KCNQ3: variants seen among roughly 807,000 people sequenced by gnomAD.
The protein encoded by KCNQ3 is potassium voltage-gated channel subfamily Q member 3, also known as potassium voltage-gated channel subfamily KQT member 3.
In KCNQ3, 30 loss-of-function variants were observed where a neutral mutation model predicts 92.5. That is an observed-to-expected ratio of 0.32 (90% CI 0.24 to 0.44). The LOEUF (loss-of-function observed/expected upper bound fraction) is 0.44, where lower values mean the gene tolerates loss of function less well. Among genes scored for constraint, KCNQ3 ranks in the 20% least tolerant of loss-of-function variants. KCNQ3 has a pLI of 1.00. For synonymous variants in KCNQ3, 450 were observed against 468.8 expected (o/e 0.96, Z 0.52); for missense variants, 913 against 1,140.3 (o/e 0.80, Z 2.87).
At chr8:132,280,892 G>C (rs1280839242) in intron 1 of KCNQ3, among the ~76,000 whole-genome samples, 2 of 152,280 alleles carry the variant, frequency 1.3e-5, no homozygotes, top group South Asian at 2.1e-4. Context: ...AGCTACACTG[G>C]GGCTTGTTCC....
chr8:132,340,203 C>T (rs939488141), intron 1 of KCNQ3, among the ~76,000 whole-genome samples: 9 of 152,252 alleles, frequency 5.9e-5, no homozygotes, highest in South Asian at 4.1e-4. Context: ...GACAGTATGG[C>T]GATTCCTCAA....
chr8:132,297,049 CTGT>C (rs1563846530), intron 1 of KCNQ3, among the ~76,000 whole-genome samples: 1 of 152,084 alleles, frequency 6.6e-6, no homozygotes, highest in Admixed American at 6.5e-5. Flanking sequence ...TCTCCAGCAT[CTGT>C]TGTTTCCTGA....
At chr8:132,195,632 C>A (rs1827279480) in intron 1 of KCNQ3, among the ~76,000 whole-genome samples, 2 of 152,186 alleles carry the variant, frequency 1.3e-5, no homozygotes, top group Non-Finnish European at 2.9e-5. Flanking sequence ...TGTCTAAATA[C>A]AGCTATGGGC....
At chr8:132,307,177 C>T (rs1817451511) in intron 1 of KCNQ3, among the ~76,000 whole-genome samples, 2 of 152,178 alleles carry the variant, frequency 1.3e-5, no homozygotes, top group African/African-American at 4.8e-5. Context: ...GAATCTGGGC[C>T]AAAAGTAGCT....
At chr8:132,141,019 A>G in intron 10 of KCNQ3, 110 bp downstream of exon 10, 1 of 981,292 alleles carries the variant, frequency 1.0e-6, no homozygotes. Context: ...GGAGAGAGTT[A>G]CCTTGTGGAG....
At chr8:132,395,656 G>T (rs568407302) in intron 1 of KCNQ3, among the ~76,000 whole-genome samples, 3 of 152,344 alleles carry the variant, frequency 2.0e-5, no homozygotes, top group African/African-American at 7.2e-5. Flanking sequence ...CTACTAAAGA[G>T]ATTTCTCATT....
intron 1 of KCNQ3, among the ~76,000 whole-genome samples, chr8:132,218,818 T>C (rs781767415): frequency 1.3e-5 from 2 of 152,220 alleles, no homozygotes; most frequent in African/African-American, 2.4e-5. Context: ...CTGTGGAAGA[T>C]AGAAAATTGA....
intron 9 of KCNQ3, among the ~76,000 whole-genome samples, chr8:132,160,206 A>G (rs1401571678): frequency 6.6e-6 from 1 of 152,198 alleles, no homozygotes; most frequent in African/African-American, 2.4e-5. Flanking sequence ...AAGAGCTGAG[A>G]TCATGCGTCC....
chr8:132,159,000 G>C (rs1327044313), intron 9 of KCNQ3, among the ~76,000 whole-genome samples: 1 of 152,140 alleles, frequency 6.6e-6, no homozygotes, highest in Non-Finnish European at 1.5e-5. Context: ...AAAATACAGA[G>C]TGAACCACTG....
chr8:132,385,620 C>G (rs1041926077), intron 1 of KCNQ3, among the ~76,000 whole-genome samples: 6 of 152,140 alleles, frequency 3.9e-5, no homozygotes, highest in Non-Finnish European at 4.4e-5. Context: ...TGCTCTTCCC[C>G]TTCCTCTCTT....
At chr8:132,425,514 A>G (rs1821086553) in intron 1 of KCNQ3, among the ~76,000 whole-genome samples, 1 of 152,182 alleles carries the variant, frequency 6.6e-6, no homozygotes, top group African/African-American at 2.4e-5. Flanking sequence ...GTACGAACTG[A>G]TATCATCATT....
intron 1 of KCNQ3, among the ~76,000 whole-genome samples, chr8:132,295,722 T>A (rs141599186): frequency 6.6e-6 from 1 of 152,328 alleles, no homozygotes; most frequent in East Asian, 1.9e-4. Context: ...AACAAGATCA[T>A]GCCCTTTGCA....
At chr8:132,300,925 C>T (rs1300090760) in intron 1 of KCNQ3, among the ~76,000 whole-genome samples, 1 of 152,116 alleles carries the variant, frequency 6.6e-6, no homozygotes, top group South Asian at 2.1e-4. Flanking sequence ...CGAGGGTTCA[C>T]TAGCATCAAG....
intron 1 of KCNQ3, among the ~76,000 whole-genome samples, chr8:132,476,938 T>C (rs1306810392): frequency 6.6e-6 from 1 of 151,990 alleles, no homozygotes; most frequent in African/African-American, 2.4e-5. Context: ...TGGTGGGAGG[T>C]GACTGAATCA....
intron 1 of KCNQ3, among the ~76,000 whole-genome samples, chr8:132,196,561 T>C (rs1211105037): frequency 6.6e-6 from 1 of 152,228 alleles, no homozygotes; most frequent in Admixed American, 6.5e-5. Context: ...GGGATCACAG[T>C]GACCAACCCA....
intron 1 of KCNQ3, chr8:132,447,177 CA>C (rs1464891784): frequency 6.5e-7 from 1 of 1,531,896 alleles, no homozygotes; most frequent in Non-Finnish European, 8.7e-7. Context: ...TTCATATCCC[CA>C]AAATGAGAAT....
At chr8:132,413,095 T>C (rs1820695303) in intron 1 of KCNQ3, among the ~76,000 whole-genome samples, 1 of 152,214 alleles carries the variant, frequency 6.6e-6, no homozygotes, top group Non-Finnish European at 1.5e-5. Flanking sequence ...TGCACAAACT[T>C]ATCTCCCATT....
chr8:132,367,528 T>C (rs1237117477), intron 1 of KCNQ3, among the ~76,000 whole-genome samples: 1 of 152,242 alleles, frequency 6.6e-6, no homozygotes, highest in Non-Finnish European at 1.5e-5. Context: ...ACTGTTGTAA[T>C]CTGCATGACA....
intron 1 of KCNQ3, among the ~76,000 whole-genome samples, chr8:132,262,192 A>G (rs1291078261): frequency 6.6e-6 from 1 of 152,192 alleles, no homozygotes; most frequent in Non-Finnish European, 1.5e-5. Flanking sequence ...AGAGACCAAA[A>G]GTAGATTAGA....
Sources: gnomAD v4.1 joint callset for allele counts (sites outside exome capture counted in the v4.1 genomes callset) on GRCh38, gnomAD v4.1.1 for gene constraint, MANE v1.5 for transcripts, NCBI Gene and HGNC (gene_info 2026-07-23, HGNC 2026-07-21) for gene names.